Variants in EFEMP1 observed in about 807,000 individuals in gnomAD.
The protein encoded by EFEMP1 is EGF-containing fibulin-like extracellular matrix protein 1.
In EFEMP1, 18 loss-of-function variants were observed where a neutral mutation model predicts 65.7. That is an observed-to-expected ratio of 0.27 (90% CI 0.19 to 0.41). EFEMP1 has a LOEUF of 0.41. EFEMP1 is among the 10% of genes least tolerant of loss of function. The pLI is 1.00. For missense variants in EFEMP1, 469 were observed against 624.8 expected (o/e 0.75, Z 2.66); for synonymous variants, 237 against 219.7 (o/e 1.08, Z -0.70).
chr2:55,890,630 AAACAAC>A (rs887505399), intron 5 of EFEMP1, among the ~76,000 whole-genome samples: 2 of 152,088 alleles, frequency 1.3e-5, no homozygotes, highest in African/African-American at 4.8e-5. Context: ...AATAAGATAG[AAACAAC>A]AACAACAACA....
intron 5 of EFEMP1, among the ~76,000 whole-genome samples, chr2:55,900,575 G>A (rs554987119): frequency 6.6e-6 from 1 of 152,220 alleles, no homozygotes; most frequent in African/African-American, 2.4e-5. Context: ...AAGAATGTTT[G>A]GTCTATTTCT....
At chr2:55,915,371 G>T (rs943551145) in intron 5 of EFEMP1, among the ~76,000 whole-genome samples, 5 of 152,080 alleles carry the variant, frequency 3.3e-5, no homozygotes, top group African/African-American at 9.7e-5. Context: ...AAAGAAGAAA[G>T]AACTATAAAT....
chr2:55,880,289 T>C lies in EFEMP1; in HGVS notation c.640+1323A>G, dbSNP rs191359334. Among the ~76,000 whole-genome samples the C allele has an allele frequency of 3.3e-5, 5 of 152,316 alleles. No individual in the cohort carries two copies. In the East Asian group the frequency reaches 9.7e-4, roughly 29 times the overall value. ...ATCTGAGTTTAGGAATATTTCCTCC[T>C]ACCACATTAAAAGGGCTGTGACCGT... On this transcript the variant is annotated intron_variant, in intron 6 of 11. Coordinates refer to ENST00000355426, the MANE Select transcript of EFEMP1 (RefSeq NM_001039348.3).
rs202135588 is a variant in EFEMP1 at position 55,870,643 on chromosome 2, CACAACAACAACA to C, written c.1320+65_1320+76del. 1.6e-5 allele frequency: 24 copies of C among 1,548,086 alleles called. No individual in the cohort carries two copies. The South Asian group carries it at 1.8e-4, about 12-fold the overall frequency. On this transcript the variant is annotated intron_variant, in intron 11 of 11. Coordinates refer to ENST00000355426, the MANE Select transcript of EFEMP1 (RefSeq NM_001039348.3). This position sits in a 1 kb window ranked among gnomAD's most constrained non-coding sequence, Gnocchi z 5.8. ...GCTTTCCTTCCACATGTGGATACCA[CACAACAACAACA>C]ACAACAACAACAACAACAAACTCCC... is the stretch of plus-strand genomic sequence containing the variant.
intron 5 of EFEMP1, among the ~76,000 whole-genome samples, chr2:55,898,798 C>A (rs1010795341): frequency 6.6e-6 from 1 of 152,148 alleles, no homozygotes; most frequent in Non-Finnish European, 1.5e-5. Flanking sequence ...TTTCCTGCTG[C>A]ACCCACAGTA....
Position 55,922,300 on chromosome 2 carries a change from T to A in EFEMP1, c.81+60A>T. ...AATACACTGGCAGGGGTGTGTAAAG[T>A]CTTTTTTTGTCACAGAATCCCGCTG... On this transcript the variant is annotated intron_variant, in intron 3 of 11. Coordinates refer to ENST00000355426, the MANE Select transcript of EFEMP1 (RefSeq NM_001039348.3). The surrounding 1 kb of genome is among the most constrained non-coding windows in gnomAD (Gnocchi z 5.5). 3.9e-6 allele frequency: 6 copies of A among 1,522,852 alleles called. No homozygotes were observed. The highest frequency in any genetic ancestry group is 5.5e-6 in the Non-Finnish European group (6 of 1,097,670). The allele number at this position is 1,522,852 out of a possible 1,614,324, so 94.3% of individuals were successfully genotyped here.
At chr2:55,908,637 G>C (rs1670371562) in intron 5 of EFEMP1, among the ~76,000 whole-genome samples, 1 of 152,026 alleles carries the variant, frequency 6.6e-6, no homozygotes, top group Non-Finnish European at 1.5e-5. Context: ...TAATTAGCTT[G>C]ATTTAATCAT....
At chr2:55,904,344 T>C (rs915405706) in intron 5 of EFEMP1, among the ~76,000 whole-genome samples, 18 of 152,246 alleles carry the variant, frequency 1.2e-4, no homozygotes, top group South Asian at 4.1e-4. Flanking sequence ...GCAATTGCTG[T>C]TACCCAGTTG....
rs1348192184 is a variant in EFEMP1, at chr2:55,886,754, C to A, written c.518-5020G>T. ...TCTGAAACTTTTTAAATAAAAGGGA[C>A]TCACTGAGTGAAGGTCTTAGAGGTA... On this transcript the variant is annotated intron_variant, in intron 5 of 11. Coordinates refer to ENST00000355426, the MANE Select transcript of EFEMP1 (RefSeq NM_001039348.3). This position sits in a 1 kb window ranked among gnomAD's most constrained non-coding sequence, Gnocchi z 4.0. Among the ~76,000 whole-genome samples, 1 of 152,126 alleles carries A rather than the reference C, an allele frequency of 6.6e-6. No homozygotes were observed. The highest frequency in any genetic ancestry group is 1.5e-5 in the Non-Finnish European group (1 of 68,018).
At chr2:55,918,344 G>T in intron 3 of EFEMP1, 77 bp from the exon 4 acceptor site, 1 of 1,524,818 alleles carries the variant, frequency 6.6e-7, no homozygotes, top group Non-Finnish European at 9.1e-7. Flanking sequence ...CACTCTAAAA[G>T]CTTCATTCTT....
At chr2:55,902,358 G>T (rs374899943) in intron 5 of EFEMP1, among the ~76,000 whole-genome samples, 7 of 152,346 alleles carry the variant, frequency 4.6e-5, no homozygotes, top group African/African-American at 1.7e-4. Context: ...GTTCTTTGCC[G>T]AAAGGCACTC....
chr2:55,901,080 G>A (rs1558478635), intron 5 of EFEMP1, among the ~76,000 whole-genome samples: 2 of 152,194 alleles, frequency 1.3e-5, no homozygotes, highest in African/African-American at 4.8e-5. Context: ...TAAAGGTGAT[G>A]ATTCTAGGAG....
intron 4 of EFEMP1, 53 bp from the exon 5 acceptor site, chr2:55,918,104 CAT>C (rs777175411): frequency 7.5e-5 from 121 of 1,613,688 alleles, no homozygotes; most frequent in Non-Finnish European, 9.6e-5. Flanking sequence ...AAAAATCAAA[CAT>C]GTAAATATAA....
chr2:55,875,974 G>A (rs1379410525), intron 8 of EFEMP1, among the ~76,000 whole-genome samples: 2 of 151,946 alleles, frequency 1.3e-5, no homozygotes, highest in Non-Finnish European at 2.9e-5. Context: ...GAGGAGGTCA[G>A]GGACATCAAG....
Position 55,922,948 on chromosome 2 carries a change from CAATATG to C in EFEMP1, c.-48-15_-48-10del. Reference sequence around the variant, plus strand: ...CAGCACAGCAAAAATACCTGTGAGCCAATATGAATTGCCTTGGCCTCAAGCTTTTTA... The same window carrying C: ...CAGCACAGCAAAAATACCTGTGAGCCAATTGCCTTGGCCTCAAGCTTTTTA... On this transcript the variant is annotated splice_polypyrimidine_tract_variant and intron_variant, in intron 1 of 11. Transcript: ENST00000355426. The surrounding 1 kb of genome is among the most constrained non-coding windows in gnomAD (Gnocchi z 5.5). 2 of 1,016,582 alleles carry C rather than the reference CAATATG, an allele frequency of 2.0e-6. No homozygotes were observed. Among genetic ancestry groups the C allele is most frequent in the Non-Finnish European group, 2.4e-6 (2 of 847,842 alleles). The allele number at this position is 1,016,582 out of a possible 1,614,324, so 63.0% of individuals were successfully genotyped here.
chr2:55,918,134 T>C (rs945542806), intron 4 of EFEMP1, 83 bp from the exon 5 acceptor site: 1 of 1,612,630 alleles, frequency 6.2e-7, no homozygotes, highest in Non-Finnish European at 8.5e-7. Context: ...GCCTTTTTGG[T>C]ATAACACAGA....
In EFEMP1 at chr2:55,921,917, T is replaced by C. The variant is rs1244464729; in HGVS notation, c.81+443A>G. 1.0e-5 allele frequency: 2 copies of C among 195,208 alleles called. No individual in the cohort carries two copies. The highest frequency in any genetic ancestry group is 4.7e-5 in the African/African-American group (2 of 42,938). The allele number at this position is 195,208 out of a possible 1,614,324, so 12.1% of individuals were successfully genotyped here. A position where few individuals can be genotyped will look rare whatever the true frequency, so the allele number is the denominator to read the frequency against. On this transcript the variant is annotated intron_variant, in intron 3 of 11. Coordinates refer to ENST00000355426, the MANE Select transcript of EFEMP1 (RefSeq NM_001039348.3). The surrounding 1 kb of genome is among the most constrained non-coding windows in gnomAD (Gnocchi z 4.1). Reference sequence around the variant, plus strand: ...TCAATAAAGGCCACTTACTTGAGAATGCATGTCATGTACACAAAGAAGGCC... The same window carrying C: ...TCAATAAAGGCCACTTACTTGAGAACGCATGTCATGTACACAAAGAAGGCC...
Position 55,873,940 on chromosome 2 carries a change from A to G in EFEMP1, c.1000+1006T>C, listed in dbSNP as rs140378839. On this transcript the variant is annotated intron_variant, in intron 9 of 11. Coordinates refer to ENST00000355426, the MANE Select transcript of EFEMP1 (RefSeq NM_001039348.3). The surrounding 1 kb of genome is among the most constrained non-coding windows in gnomAD (Gnocchi z 4.6). ...ACTCTGATTAAAAAGGACTCTCTACAGAAGACGTACTACTGGTCACTTACA... is the reference window on the plus strand; with the variant it reads ...ACTCTGATTAAAAAGGACTCTCTACGGAAGACGTACTACTGGTCACTTACA... Among the ~76,000 whole-genome samples the G allele has an allele frequency of 7.0e-4, 106 of 151,988 alleles. No homozygotes were observed. The highest frequency in any genetic ancestry group is 2.5e-3 in the African/African-American group (103 of 41,372).
chr2:55,905,422 G>A lies in EFEMP1; in HGVS notation c.517+12243C>T, dbSNP rs572015133. On this transcript the variant is annotated intron_variant, in intron 5 of 11. Coordinates refer to ENST00000355426, the MANE Select transcript of EFEMP1 (RefSeq NM_001039348.3). ...GTAAAGTCTGCCTGTTCCTGACTTT[G>A]ATACTGTAAACAGATTTTCCAATAA... Among the ~76,000 whole-genome samples, 11 of 152,212 alleles carry A rather than the reference G, an allele frequency of 7.2e-5. No homozygotes were observed. In the South Asian group the frequency reaches 2.1e-3, roughly 29 times the overall value.
Sources: gnomAD v4.1 joint callset for allele counts (sites outside exome capture counted in the v4.1 genomes callset) on GRCh38, gnomAD v4.1.1 for gene constraint, Gnocchi (gnomAD v3.1) non-coding constraint, MANE v1.5 for transcripts, NCBI Gene and HGNC (gene_info 2026-07-23, HGNC 2026-07-21) for gene names.